ARHGAP17: variants seen among roughly 807,000 people sequenced by gnomAD.
ARHGAP17 encodes the protein rho GTPase-activating protein 17.
A neutral mutation model predicts 99.5 loss-of-function variants in ARHGAP17; 57 were observed. The ratio of observed to expected loss-of-function variants is 0.57; its 90% CI spans 0.46 to 0.71. The LOEUF (loss-of-function observed/expected upper bound fraction) is 0.71, where lower values mean the gene tolerates loss of function less well. ARHGAP17 is among the 30% of genes least tolerant of loss of function. The pLI is 0.00. For synonymous variants in ARHGAP17, 417 were observed against 429.6 expected (o/e 0.97, Z 0.36); for missense variants, 1,000 against 1,122.4 (o/e 0.89, Z 1.56).
intron 7 of ARHGAP17, among the ~76,000 whole-genome samples, chr16:24,961,469 A>G (rs1477030540): frequency 6.8e-6 from 1 of 146,696 alleles, no homozygotes; most frequent in Non-Finnish European, 1.5e-5. Context: ...ATTTGAGAAC[A>G]GCCTGGACAA....
chr16:25,000,538 C>A (rs2053332657), intron 1 of ARHGAP17, among the ~76,000 whole-genome samples: 1 of 152,058 alleles, frequency 6.6e-6, no homozygotes. Context: ...AGATTATAGG[C>A]AAATCTGTGT....
At chr16:24,993,722 A>C (rs939351889) in intron 1 of ARHGAP17, among the ~76,000 whole-genome samples, 1 of 152,210 alleles carries the variant, frequency 6.6e-6, no homozygotes, top group African/African-American at 2.4e-5. Context: ...TTGAACCTTC[A>C]GAAAGAGTAC....
intron 1 of ARHGAP17, 77 bp from the exon 2 acceptor site, chr16:24,979,082 C>A: frequency 9.1e-7 from 1 of 1,101,062 alleles, no homozygotes; most frequent in Non-Finnish European, 1.3e-6. Context: ...AATTATTAGC[C>A]TGGAGTTTAA....
rs2052102326 is a variant in ARHGAP17, at chr16:24,964,236, T to C, written c.534A>G (p.Glu178=). The change falls in exon 7 of 20, where the codon GAA becomes GAG. Residue 178 remains glutamate, a synonymous_variant. Coordinates refer to ENST00000289968, the MANE Select transcript of ARHGAP17 (RefSeq NM_001006634.3). The part of the protein sequence containing the change: ...GLPSKIDTLK[E]EMDEAGNKVE... ...CTTTATTTCCAGCTTCATCCATCTCTTCCTTTAGAGTATCTATTTTTGATG... is the reference window on the plus strand; with the variant it reads ...CTTTATTTCCAGCTTCATCCATCTCCTCCTTTAGAGTATCTATTTTTGATG... 1 of 1,613,680 alleles carries C rather than the reference T, an allele frequency of 6.2e-7. No homozygotes were observed. The highest frequency in any genetic ancestry group is 1.7e-5 in the Admixed American group (1 of 59,890).
rs778465553 is a variant in ARHGAP17, at chr16:24,930,914, C to T, written c.2385G>A (p.Pro795=). Residue 795 remains proline (P), a synonymous_variant, in exon 19 of 20, where the codon CCG becomes CCA. Transcript: ENST00000289968. ...ETAQPHAGTL[P]RPRPVPKPRN... ...TTGGCTTTGGTACTGGTCTCGGTCT[C>T]GGTAAGGTTCCAGCATGTGGCTGTG... The T allele has an allele frequency of 1.8e-5, 29 of 1,613,576 alleles. No individual in the cohort carries two copies. Among genetic ancestry groups the T allele is most frequent in the African/African-American group, 6.7e-5 (5 of 74,724 alleles).
intron 3 of ARHGAP17, among the ~76,000 whole-genome samples, 186 bp downstream of exon 3, chr16:24,977,029 T>C (rs2052538009): frequency 6.6e-6 from 1 of 152,210 alleles, no homozygotes; most frequent in Non-Finnish European, 1.5e-5. Flanking sequence ...AAGGAGGGCT[T>C]CCAGCCCAGC....
intron 1 of ARHGAP17, 58 bp downstream of exon 1, chr16:25,015,151 G>A: frequency 8.5e-7 from 1 of 1,177,518 alleles, no homozygotes; most frequent in Non-Finnish European, 1.1e-6. Flanking sequence ...CCGCCCCCGC[G>A]CCCTCCGCCC....
chr16:24,927,879 G>A (rs186155411), intron 19 of ARHGAP17: 84 of 276,366 alleles, frequency 3.0e-4, no homozygotes, highest in African/African-American at 1.8e-3. Flanking sequence ...TCAAAATGAT[G>A]CCAGAATGCC....
intron 10 of ARHGAP17, among the ~76,000 whole-genome samples, chr16:24,954,040 AG>A (rs1353880837): frequency 4.6e-5 from 7 of 151,434 alleles, no homozygotes; most frequent in Non-Finnish European, 7.4e-5. Flanking sequence ...AGCTTTAAAA[AG>A]GAAAAAAAAA....
chr16:24,996,188 C>A (rs1056043867), intron 1 of ARHGAP17, among the ~76,000 whole-genome samples: 1 of 152,178 alleles, frequency 6.6e-6, no homozygotes, highest in African/African-American at 2.4e-5. Context: ...TCTTAAATCC[C>A]TCTCTGCACT....
At position 24,925,707 on chromosome 16, in the gene ARHGAP17, T is replaced by C. The variant is rs139371626; in HGVS notation, c.2515+5077A>G. 1.1e-3 allele frequency among the ~76,000 whole-genome samples: 160 copies of C among 152,306 alleles called. 2 individuals are homozygous for C. In the East Asian group the frequency reaches 0.026, roughly 25 times the overall value. On this transcript the variant is annotated intron_variant, in intron 19 of 19. Transcript: ENST00000289968. Reference sequence around the variant, plus strand: ...CACTGAAAAACATGGTTCTAAAAATTACATTATCACATGAGAACGAGCATA... The same window carrying C: ...CACTGAAAAACATGGTTCTAAAAATCACATTATCACATGAGAACGAGCATA...
chr16:24,929,520 T>A, intron 19 of ARHGAP17: 4 of 898,370 alleles, frequency 4.5e-6, no homozygotes, highest in South Asian at 5.1e-5. Context: ...CCTGAGCACA[T>A]GGTCAAAAGC....
At chr16:24,944,385 C>T (rs1459949488) in intron 14 of ARHGAP17, among the ~76,000 whole-genome samples, 1 of 151,980 alleles carries the variant, frequency 6.6e-6, no homozygotes, top group Non-Finnish European at 1.5e-5. Flanking sequence ...GTGATAACAA[C>T]CACAGTGTCT....
At chr16:24,965,483 AAAC>A (rs1453163485) in intron 6 of ARHGAP17, among the ~76,000 whole-genome samples, 1 of 152,132 alleles carries the variant, frequency 6.6e-6, no homozygotes, top group African/African-American at 2.4e-5. Context: ...TCAAACAAAC[AAAC>A]AAAAAAACCC....
chr16:24,938,704 G>A lies in ARHGAP17; in HGVS notation c.1724+660C>T, dbSNP rs191103931. Among the ~76,000 whole-genome samples the A allele has an allele frequency of 3.3e-5, 5 of 151,644 alleles. No homozygotes were observed. The East Asian group carries it at 7.8e-4, about 24-fold the overall frequency. On this transcript the variant is annotated intron_variant, in intron 17 of 19. Coordinates refer to ENST00000289968, the MANE Select transcript of ARHGAP17 (RefSeq NM_001006634.3). ...GGAGGATTGCTTGGGCCTAGGAGGC[G>A]GAGGGTGCAGTGAGCTACGATTATG...
intron 11 of ARHGAP17, 62 bp from the exon 12 acceptor site, chr16:24,952,432 T>C: frequency 1.5e-6 from 2 of 1,341,352 alleles, no homozygotes; most frequent in Non-Finnish European, 1.1e-6. Context: ...TCTTGGGACA[T>C]ATTATTTTGC....
intron 19 of ARHGAP17, among the ~76,000 whole-genome samples, chr16:24,925,440 C>G (rs184043586): frequency 6.6e-6 from 1 of 152,150 alleles, no homozygotes; most frequent in African/African-American, 2.4e-5. Flanking sequence ...CTTTGATCCT[C>G]TTTGGTTGAA....
chr16:24,930,845 G>C lies in ARHGAP17; in HGVS notation c.2454C>G (p.Val818=), dbSNP rs1263467156. The change falls in exon 19 of 20, where the codon GTC becomes GTG. Residue 818 remains valine (V), a synonymous_variant. Transcript: ENST00000289968. The stretch of plus-strand genomic sequence containing the variant: ...TGAGGCTGCTGTCCCCAGCTGAGTG[G>C]ACACCAGGAGGTTGGGGGGGTGGGG... ...SVPPPPQPPG[V]HSAGDSSLTN... The C allele has an allele frequency of 6.2e-7, 1 of 1,613,956 alleles. No homozygotes were observed. The highest frequency in any genetic ancestry group is 2.2e-5 in the East Asian group (1 of 44,894).
chr16:24,999,936 A>C (rs111423098), intron 1 of ARHGAP17, among the ~76,000 whole-genome samples: 11 of 152,096 alleles, frequency 7.2e-5, no homozygotes, highest in African/African-American at 2.7e-4. Context: ...GTATGTCCTC[A>C]CTGTCTCATG....
Sources: gnomAD v4.1 joint callset for allele counts (sites outside exome capture counted in the v4.1 genomes callset) on GRCh38, gnomAD v4.1.1 for gene constraint, MANE v1.5 for transcripts, NCBI Gene and HGNC (gene_info 2026-07-23, HGNC 2026-07-21) for gene names.